Variants in GAS6 observed in about 807,000 individuals in gnomAD.
GAS6 encodes growth arrest-specific protein 6.
Under a neutral mutation model 75.8 loss-of-function variants are expected in GAS6, and 41 were observed. The observed-to-expected ratio is 0.54, with a 90% confidence interval of 0.42 to 0.70. The LOEUF is 0.70. Ranked by LOEUF, GAS6 falls within the 30% of genes least tolerant of loss-of-function variation. GAS6 has a pLI of 0.00. For synonymous variants in GAS6, 432 were observed against 412.6 expected, an observed-to-expected ratio of 1.05 and a Z score of -0.57; for missense variants, 854 against 940.2, an observed-to-expected ratio of 0.91 and a Z score of 1.20.
chr13:113,826,453 TCCCGGCGC>T (rs1566354572), intron 12 of GAS6, among the ~76,000 whole-genome samples: 6 of 110,904 alleles, frequency 5.4e-5, no homozygotes, highest in Middle Eastern at 5.5e-3. Flanking sequence ...CTCCCCAGCC[TCCCGGCGC>T]CGGCCTCGCA....
chr13:113,836,812 A>AGGAGGAGGAAGATGG (rs2051720110), intron 6 of GAS6, among the ~76,000 whole-genome samples: 1 of 28,938 alleles, frequency 3.5e-5, no homozygotes, highest in Non-Finnish European at 6.3e-5. Flanking sequence ...GAGGAAGATG[A>AGGAGGAGGAAGATGG]GGAGGAGGAG....
chr13:113,821,078 C>G (rs1341558217), intron 14 of GAS6, 60 bp from the exon 15 acceptor site: 1 of 1,574,710 alleles, frequency 6.4e-7, no homozygotes, highest in South Asian at 1.1e-5. Context: ...CCCGCCTGGC[C>G]CCCCCACCCC....
At chr13:113,830,996 GA>G (rs1200900636) in intron 10 of GAS6, among the ~76,000 whole-genome samples, 1 of 152,274 alleles carries the variant, frequency 6.6e-6, no homozygotes, top group Non-Finnish European at 1.5e-5. Context: ...TTGCAGGATG[GA>G]AATACAAGTC....
chr13:113,855,820 A>G (rs1157737795), intron 2 of GAS6, among the ~76,000 whole-genome samples: 1 of 152,306 alleles, frequency 6.6e-6, no homozygotes, highest in East Asian at 1.9e-4. Context: ...TGCCTGAGGG[A>G]CAGGCTTCTC....
chr13:113,829,715 C>A (rs1026048213), intron 10 of GAS6, among the ~76,000 whole-genome samples: 1 of 151,064 alleles, frequency 6.6e-6, no homozygotes. Flanking sequence ...TGATCCTCAC[C>A]TGGGCCAAGA....
chr13:113,838,939 G>GC, intron 5 of GAS6: 2 of 185,730 alleles, frequency 1.1e-5, no homozygotes, highest in African/African-American at 2.4e-5. Context: ...CAGCCCTAGC[G>GC]TTTCATGGCC....
intron 2 of GAS6, among the ~76,000 whole-genome samples, chr13:113,857,601 G>A (rs2051924546): frequency 6.6e-6 from 1 of 152,210 alleles, no homozygotes; most frequent in African/African-American, 2.4e-5. Flanking sequence ...CAATCGCTCT[G>A]GGGTAAAGCC....
intron 8 of GAS6, chr13:113,833,441 C>A: frequency 1.0e-6 from 1 of 992,016 alleles, no homozygotes; most frequent in Non-Finnish European, 1.2e-6. Flanking sequence ...GTGACTCTTT[C>A]CACCTGTGGT....
intron 2 of GAS6, among the ~76,000 whole-genome samples, chr13:113,851,942 G>C (rs1347054111): frequency 6.6e-6 from 1 of 152,146 alleles, no homozygotes; most frequent in African/African-American, 2.4e-5. Context: ...CAAGCGTGGT[G>C]CCCACTGCAC....
At chr13:113,851,768 T>C (rs2051878559) in intron 2 of GAS6, among the ~76,000 whole-genome samples, 1 of 152,250 alleles carries the variant, frequency 6.6e-6, no homozygotes, top group South Asian at 2.1e-4. Flanking sequence ...AAATCATAGA[T>C]AAGTACTTGG....
intron 6 of GAS6, among the ~76,000 whole-genome samples, chr13:113,836,810 T>TGGG (rs373945732): frequency 1.9e-3 from 27 of 14,480 alleles, no homozygotes; most frequent in Non-Finnish European, 3.1e-3. Context: ...AGGAGGAAGA[T>TGGG]GAGGAGGAGG....
chr13:113,832,326 C>G lies in GAS6; in HGVS notation c.1116G>C (p.Pro372=), dbSNP rs752128196. ...NGVGRVTSSG[P]VINHGMWQTI... ...TCTGCCACATGCCATGGTTGATGAC[C>G]GGGCCGCTGCTGGTGACACGGCCGA... Residue 372 remains proline, a synonymous_variant, in exon 10 of 15, where the codon CCG becomes CCC. Coordinates refer to ENST00000327773, the MANE Select transcript of GAS6 (RefSeq NM_000820.4). 1 of 1,600,928 alleles carries G rather than the reference C, an allele frequency of 6.2e-7. No homozygotes were observed. The highest frequency in any genetic ancestry group is 8.5e-7 in the Non-Finnish European group (1 of 1,179,788).
Position 113,846,823 on chromosome 13 carries a change from C to T in GAS6, c.281-234G>A, listed in dbSNP as rs867881992. On this transcript the variant is annotated intron_variant, in intron 3 of 14. Coordinates refer to ENST00000327773, the MANE Select transcript of GAS6 (RefSeq NM_000820.4). ...GGAGTTGTGCACCCACAGTCAAGTG[C>T]GTAAAGCACCGCCCGCCGTTTCGAG... 5.7e-5 allele frequency: 32 copies of T among 557,650 alleles called. No homozygotes were observed. In the Middle Eastern group the frequency reaches 3.3e-3, roughly 58 times the overall value. 34.5% of individuals were successfully genotyped at this position (557,650 alleles called of 1,614,324 possible). A position where few individuals can be genotyped will look rare whatever the true frequency, so the allele number is the denominator to read the frequency against.
chr13:113,839,477 C>G (rs1345646390), intron 5 of GAS6: 19 of 455,538 alleles, frequency 4.2e-5, no homozygotes, highest in Non-Finnish European at 6.1e-5. Flanking sequence ...AATTTCCCCC[C>G]CCGCCCTTCA....
At position 113,838,051 on chromosome 13, in the gene GAS6, C is replaced by G. The variant is rs1314205178; in HGVS notation, c.589+18G>C. The stretch of plus-strand genomic sequence containing the variant: ...TGGGGAGAGGAGAGAGGAGAGAGGC[C>G]TCACCCCAGGGCCTTACCTTGGCAG... On this transcript the variant is annotated intron_variant, in intron 6 of 14. Transcript: ENST00000327773. 3.1e-6 allele frequency: 5 copies of G among 1,611,344 alleles called. No individual in the cohort carries two copies. In the South Asian group the frequency reaches 4.4e-5, roughly 14 times the overall value.
intron 2 of GAS6, among the ~76,000 whole-genome samples, chr13:113,850,306 T>C (rs758396035): frequency 6.6e-6 from 1 of 152,052 alleles, no homozygotes; most frequent in Non-Finnish European, 1.5e-5. Context: ...GGAGTCCCCA[T>C]GGAGCAGAGG....
At chr13:113,858,534 T>C (rs1337386439) in intron 2 of GAS6, among the ~76,000 whole-genome samples, 1 of 117,100 alleles carries the variant, frequency 8.5e-6, no homozygotes, top group Admixed American at 7.9e-5. Context: ...AATGTGTGCA[T>C]GTCTGTGTAC....
Position 113,844,780 on chromosome 13 carries a change from A to C in GAS6, c.343+1747T>G, listed in dbSNP as rs2051820927. 6.6e-6 allele frequency: 1 copy of C among 150,610 alleles called. No homozygotes were observed. 9.3% of individuals were successfully genotyped at this position (150,610 alleles called of 1,614,324 possible). On this transcript the variant is annotated intron_variant, in intron 4 of 14. Coordinates refer to ENST00000327773, the MANE Select transcript of GAS6 (RefSeq NM_000820.4). This position sits in a 1 kb window ranked among gnomAD's most constrained non-coding sequence, Gnocchi z 5.7. Reference sequence around the variant, plus strand: ...ATACCCAGCATATGAGGACGGCAGCAGGTGAGGCACTGGGGTGAGACAGAC... The same window carrying C: ...ATACCCAGCATATGAGGACGGCAGCCGGTGAGGCACTGGGGTGAGACAGAC...
chr13:113,841,164 C>A (rs1358165181), intron 4 of GAS6: 1 of 152,322 alleles, frequency 6.6e-6, no homozygotes, highest in Non-Finnish European at 1.5e-5. Flanking sequence ...CCCCACCTGG[C>A]CGGGGTCAGG....
Sources: gnomAD v4.1 joint callset for allele counts (sites outside exome capture counted in the v4.1 genomes callset) on GRCh38, gnomAD v4.1.1 for gene constraint, Gnocchi (gnomAD v3.1) non-coding constraint, MANE v1.5 for transcripts, NCBI Gene and HGNC (gene_info 2026-07-23, HGNC 2026-07-21) for gene names.